Variants in SCIN observed in about 807,000 individuals in gnomAD.
SCIN encodes scinderin.
SCIN carries 91 observed loss-of-function variants against 91.8 expected under a neutral mutation model. The ratio of observed to expected loss-of-function variants is 0.99; its 90% confidence interval spans 0.84 to 1.18. The LOEUF is 1.18. Among genes scored for constraint, SCIN ranks in the 50% most tolerant of loss-of-function variants. SCIN has a pLI of 0.00. For missense variants in SCIN, 1,087 were observed against 863.9 expected, an observed-to-expected ratio of 1.26 and a Z score of -3.24; for synonymous variants, 367 against 312.6, an observed-to-expected ratio of 1.17 and a Z score of -1.84.
In SCIN at chr7:12,570,720, T is replaced by A; in HGVS notation, c.-67T>A. ...AAGTGGCGGCGAATAAGGTTCCTCCTGCTGCTCTCGGTTTAGTCCAAGATC... is the reference window on the plus strand; with the variant it reads ...AAGTGGCGGCGAATAAGGTTCCTCCAGCTGCTCTCGGTTTAGTCCAAGATC... On this transcript the variant is annotated 5_prime_UTR_variant, in exon 1 of 16. Coordinates refer to ENST00000297029, the MANE Select transcript of SCIN (RefSeq NM_001112706.3). The A allele has an allele frequency of 6.6e-7, 1 of 1,520,128 alleles. No homozygotes were observed. Among genetic ancestry groups the A allele is most frequent in the South Asian group, 1.2e-5 (1 of 82,658 alleles). The allele number at this position is 1,520,128 out of a possible 1,614,324, so 94.2% of individuals were successfully genotyped here. A position where few individuals can be genotyped will look rare whatever the true frequency, so the allele number is the denominator to read the frequency against.
chr7:12,596,556 C>G, intron 3 of SCIN: 1 of 420,236 alleles, frequency 2.4e-6, no homozygotes, highest in Non-Finnish European at 4.8e-6. Context: ...CTCTCCTGCC[C>G]CACTCATGCC....
At position 12,654,746 on chromosome 7, in the gene SCIN, AG is replaced by A. The variant is rs2115308615; in HGVS notation, c.*2034del. 1 of 152,240 alleles carries A rather than the reference AG, an allele frequency of 6.6e-6. No homozygotes were observed. Among genetic ancestry groups the A allele is most frequent in the African/African-American group, 2.4e-5 (1 of 41,556 alleles). 9.4% of individuals were successfully genotyped at this position (152,240 alleles called of 1,614,324 possible). ...TATAGCACAGGCCGAGGCATATAGT[AG>A]GGTCTCAGTTAATATTTATTGAATG... On this transcript the variant is annotated 3_prime_UTR_variant, in exon 16 of 16. Transcript: ENST00000297029.
intron 3 of SCIN, among the ~76,000 whole-genome samples, chr7:12,598,139 A>C (rs2115242801): frequency 6.6e-6 from 1 of 152,362 alleles, no homozygotes; most frequent in East Asian, 1.9e-4. Context: ...ATTCTGTTAA[A>C]GCATTATACA....
intron 3 of SCIN, among the ~76,000 whole-genome samples, chr7:12,588,047 A>T (rs1213379821): frequency 1.3e-5 from 2 of 152,216 alleles, no homozygotes; most frequent in Non-Finnish European, 2.9e-5. Flanking sequence ...CTCTGCTATT[A>T]CTTAAAAATG....
At position 12,651,852 on chromosome 7, in the gene SCIN, G is replaced by T; in HGVS notation, c.1971G>T (p.Trp657Cys). ...LLDAWEQIFI[W>C]IGKDANEVEK... ...GTTTCATTTTTCAGATATTTATTTG[G>T]ATTGGCAAAGATGCTAATGAAGTTG... The change falls in exon 15 of 16, where the codon TGG (tryptophan) becomes TGT (cysteine). Residue 657 changes from tryptophan (W) to cysteine (C), a missense_variant. Coordinates refer to ENST00000297029, the MANE Select transcript of SCIN (RefSeq NM_001112706.3). The surrounding 1 kb of genome is among the most constrained non-coding windows in gnomAD (Gnocchi z 5.9). 3.8e-6 allele frequency: 6 copies of T among 1,590,728 alleles called. No homozygotes were observed. Among genetic ancestry groups the T allele is most frequent in the Non-Finnish European group, 5.2e-6 (6 of 1,164,040 alleles).
rs932049183 is a variant in SCIN at position 12,651,263 on chromosome 7, T to A, written c.1960-578T>A. On this transcript the variant is annotated intron_variant, in intron 14 of 15. Coordinates refer to ENST00000297029, the MANE Select transcript of SCIN (RefSeq NM_001112706.3). The surrounding 1 kb of genome is among the most constrained non-coding windows in gnomAD (Gnocchi z 5.9). ...CACATAAAGTATAGATGGTAAATGT[T>A]TCTTTCAGACCTTTAAGAGTGTGAT... 5.3e-5 allele frequency among the ~76,000 whole-genome samples: 8 copies of A among 152,260 alleles called. No individual in the cohort carries two copies. In the East Asian group the frequency reaches 1.4e-3, roughly 26 times the overall value.
chr7:12,634,029 C>T (rs1298425639), intron 9 of SCIN, among the ~76,000 whole-genome samples: 2 of 151,368 alleles, frequency 1.3e-5, no homozygotes, highest in African/African-American at 4.9e-5. Flanking sequence ...TTTTCTGGTC[C>T]AGTGGAAAAT....
At chr7:12,641,769 A>G (rs1266966375) in intron 11 of SCIN, among the ~76,000 whole-genome samples, 3 of 152,190 alleles carry the variant, frequency 2.0e-5, no homozygotes, top group East Asian at 1.9e-4. Flanking sequence ...AGCTGAATCC[A>G]TGAACCCGCT....
chr7:12,573,838 G>T (rs1454992815), intron 1 of SCIN, among the ~76,000 whole-genome samples: 2 of 152,126 alleles, frequency 1.3e-5, no homozygotes, highest in Non-Finnish European at 2.9e-5. Flanking sequence ...ACCAGGCCTT[G>T]TGCAATGCCC....
Position 12,632,667 on chromosome 7 carries a change from C to A in SCIN, c.1320-3378C>A, listed in dbSNP as rs1783670408. 2.0e-5 allele frequency among the ~76,000 whole-genome samples: 3 copies of A among 152,224 alleles called. No individual in the cohort carries two copies. The South Asian group carries it at 6.2e-4, about 32-fold the overall frequency. Reference sequence around the variant, plus strand: ...ATGGAGAAGACAAAGTTGAGGATGACCCCTGGGTTTCTGGTCTGAGCATAA... The same window carrying A: ...ATGGAGAAGACAAAGTTGAGGATGAACCCTGGGTTTCTGGTCTGAGCATAA... On this transcript the variant is annotated intron_variant, in intron 9 of 15. Coordinates refer to ENST00000297029, the MANE Select transcript of SCIN (RefSeq NM_001112706.3).
At chr7:12,578,641 A>G (rs902079777) in intron 2 of SCIN, among the ~76,000 whole-genome samples, 1 of 152,086 alleles carries the variant, frequency 6.6e-6, no homozygotes, top group Non-Finnish European at 1.5e-5. Context: ...TTGTTCTGGA[A>G]TATATTAATA....
intron 11 of SCIN, 129 bp downstream of exon 11, chr7:12,640,646 T>TCAAA: frequency 5.9e-6 from 5 of 841,954 alleles, no homozygotes; most frequent in Non-Finnish European, 8.1e-6. Flanking sequence ...AATCCACTGT[T>TCAAA]CAAAATTTTA....
At chr7:12,635,737 C>A (rs560794448) in intron 9 of SCIN, among the ~76,000 whole-genome samples, 20 of 139,990 alleles carry the variant, frequency 1.4e-4, no homozygotes, top group African/African-American at 5.1e-4. Context: ...GAGGTGTTTT[C>A]TAAAAAGCAG....
intron 4 of SCIN, among the ~76,000 whole-genome samples, chr7:12,620,455 T>C (rs888114350): frequency 1.3e-5 from 2 of 152,120 alleles, no homozygotes; most frequent in Non-Finnish European, 1.5e-5. Flanking sequence ...ATTGTTTATC[T>C]TTTTGTGTCT....
chr7:12,597,867 G>C (rs1051473580), intron 3 of SCIN, among the ~76,000 whole-genome samples: 2 of 152,066 alleles, frequency 1.3e-5, no homozygotes, highest in African/African-American at 4.8e-5. Flanking sequence ...ACTTCTGCTA[G>C]AGGATGTTCA....
chr7:12,650,532 G>A (rs965211655), intron 14 of SCIN, among the ~76,000 whole-genome samples: 3 of 151,924 alleles, frequency 2.0e-5, no homozygotes, highest in Admixed American at 6.6e-5. Context: ...TGCTTTCATG[G>A]TTTGTTCTGT....
At chr7:12,619,924 G>A (rs1783373191) in intron 4 of SCIN, among the ~76,000 whole-genome samples, 1 of 151,946 alleles carries the variant, frequency 6.6e-6, no homozygotes, top group Admixed American at 6.6e-5. Flanking sequence ...TGAGTACATT[G>A]AAGTTCAGGA....
rs753723296 is a variant in SCIN at position 12,640,405 on chromosome 7, C to A, written c.1469C>A (p.Pro490Gln). The A allele has an allele frequency of 6.2e-7, 1 of 1,613,122 alleles. No homozygotes were observed. The highest frequency in any genetic ancestry group is 1.3e-5 in the African/African-American group (1 of 74,812). ...VHLLSLFKDKPLIIYKNGTSK... is the reference protein window; with the variant it reads ...VHLLSLFKDKQLIIYKNGTSK... ...CTACTGAGTTTGTTCAAAGACAAAC[C>A]GCTCATTATTTACAAGAATGGAACA... Residue 490 changes from proline (P) to glutamine (Q), a missense_variant, in exon 11 of 16, where the codon CCG (proline) becomes CAG (glutamine). Coordinates refer to ENST00000297029, the MANE Select transcript of SCIN (RefSeq NM_001112706.3).
Position 12,570,785 on chromosome 7 carries a change from C to A in SCIN, c.-2C>A, listed in dbSNP as rs1249696970. On this transcript the variant is annotated 5_prime_UTR_variant, in exon 1 of 16. Transcript: ENST00000297029. The stretch of plus-strand genomic sequence containing the variant: ...TCCCCCGGAGCATCGCGTGCAGGAG[C>A]CATGGCGCGGGAGCTATACCACGAA... 1 of 1,550,100 alleles carries A rather than the reference C, an allele frequency of 6.5e-7. No individual in the cohort carries two copies. Among genetic ancestry groups the A allele is most frequent in the African/African-American group, 1.4e-5 (1 of 73,178 alleles).
Sources: gnomAD v4.1 joint callset for allele counts (sites outside exome capture counted in the v4.1 genomes callset) on GRCh38, gnomAD v4.1.1 for gene constraint, Gnocchi (gnomAD v3.1) non-coding constraint, MANE v1.5 for transcripts, NCBI Gene and HGNC (gene_info 2026-07-23, HGNC 2026-07-21) for gene names.